LCA5L: variants seen among roughly 807,000 people sequenced by gnomAD.
The protein encoded by LCA5L is lebercilin-like protein.
LCA5L carries 35 observed loss-of-function variants against 45.4 expected under a neutral mutation model. The observed-to-expected ratio is 0.77, with a 90% CI of 0.59 to 1.02. The LOEUF is 1.02. LCA5L is among the 50% of genes least tolerant of loss of function. LCA5L has a pLI of 0.00. For missense variants in LCA5L, 668 were observed against 761.6 expected (o/e 0.88, Z 1.45); for synonymous variants, 233 against 264.7 (o/e 0.88, Z 1.16).
intron 7 of LCA5L, among the ~76,000 whole-genome samples, chr21:39,413,132 G>T (rs374452042): frequency 5.6e-4 from 86 of 152,324 alleles, no homozygotes; most frequent in African/African-American, 2.0e-3. Context: ...GTACACATCA[G>T]ACAGGGTCCT....
intron 3 of LCA5L, among the ~76,000 whole-genome samples, chr21:39,431,109 A>G (rs1045310159): frequency 3.3e-5 from 5 of 152,344 alleles, no homozygotes; most frequent in African/African-American, 1.2e-4. Context: ...AAACAATTCT[A>G]CCAGATTAAA....
chr21:39,429,255 T>C (rs1408173767), intron 3 of LCA5L, 44 bp from the exon 4 acceptor site: 2 of 152,214 alleles, frequency 1.3e-5, no homozygotes, highest in African/African-American at 4.8e-5. Context: ...TGGCATTAGA[T>C]CCTTTGCAAT....
At chr21:39,424,397 C>G (rs1356788077) in intron 5 of LCA5L, among the ~76,000 whole-genome samples, 1 of 152,120 alleles carries the variant, frequency 6.6e-6, no homozygotes, top group African/African-American at 2.4e-5. Flanking sequence ...GGGAGGATCC[C>G]TTGAGCCCAG....
intron 10 of LCA5L, chr21:39,408,048 T>A (rs2039410792): frequency 1.3e-5 from 2 of 152,254 alleles, no homozygotes; most frequent in South Asian, 4.1e-4. Flanking sequence ...GGAACACATC[T>A]GATTTGCAGC....
At chr21:39,436,598 C>T (rs2076310559) in intron 2 of LCA5L, among the ~76,000 whole-genome samples, 1 of 152,126 alleles carries the variant, frequency 6.6e-6, no homozygotes, top group Admixed American at 6.6e-5. Flanking sequence ...CCTCCTGCCT[C>T]AGCTTTTCAA....
intron 3 of LCA5L, among the ~76,000 whole-genome samples, chr21:39,434,013 CT>C (rs111651418): frequency 0.011 from 1,559 of 141,288 alleles, 28 homozygotes; most frequent in African/African-American, 0.04. Context: ...AAAAGAGTTA[CT>C]TGTACATAAA....
chr21:39,407,176 G>A (rs566411268), intron 10 of LCA5L, among the ~76,000 whole-genome samples: 127 of 152,336 alleles, frequency 8.3e-4, no homozygotes, highest in African/African-American at 2.7e-3. Flanking sequence ...GCAGTGAGCC[G>A]TGACTGTGCC....
At chr21:39,430,296 G>A (rs1244918947) in intron 3 of LCA5L, among the ~76,000 whole-genome samples, 7 of 152,114 alleles carry the variant, frequency 4.6e-5, no homozygotes, top group Admixed American at 2.0e-4. Flanking sequence ...GCTAGAGTTC[G>A]GCTGACTTCT....
Position 39,406,466 on chromosome 21 carries a change from G to C in LCA5L, c.1429C>G (p.His477Asp). 1 of 1,613,852 alleles carries C rather than the reference G, an allele frequency of 6.2e-7. No individual in the cohort carries two copies. Among genetic ancestry groups the C allele is most frequent in the Non-Finnish European group, 8.5e-7 (1 of 1,179,916 alleles). The change falls in exon 11 of 11, where the codon CAT becomes GAT. Residue 477 changes from histidine (H) to aspartate (D), a missense_variant. His to Asp is a moderately conservative substitution (Grantham distance 81). Coordinates refer to ENST00000288350, the MANE Select transcript of LCA5L (RefSeq NM_152505.4). Reference protein sequence around the residue: ...ELPPKIIEVIHPERESNQEDV... With the variant: ...ELPPKIIEVIDPERESNQEDV... ...TCTTGATTGCTTTCTCTTTCAGGAT[G>C]AATAACTTCAATTATTTTTGGTGGT...
At chr21:39,417,248 C>A (rs1402445551) in intron 7 of LCA5L, among the ~76,000 whole-genome samples, 1 of 152,144 alleles carries the variant, frequency 6.6e-6, no homozygotes, top group East Asian at 1.9e-4. Flanking sequence ...CCATGTTGGC[C>A]AGGCTGGTCT....
intron 6 of LCA5L, chr21:39,422,404 T>C (rs1219823494): frequency 6.6e-6 from 1 of 152,494 alleles, no homozygotes; most frequent in Non-Finnish European, 1.5e-5. Context: ...GGAAAATCAA[T>C]CCAGTCATCT....
At position 39,409,584 on chromosome 21, in the gene LCA5L, G is replaced by A. The variant is rs200479417; in HGVS notation, c.1282+395C>T. On this transcript the variant is annotated intron_variant, in intron 10 of 10. Coordinates refer to ENST00000288350, the MANE Select transcript of LCA5L (RefSeq NM_152505.4). This position sits in a 1 kb window ranked among gnomAD's most constrained non-coding sequence, Gnocchi z 4.2. ...TTCCTTTCATTATAATTCTGGAAAC[G>A]GTTTTATGTTTTTTTTTTAATTTTT... Among the ~76,000 whole-genome samples, 1 of 151,864 alleles carries A rather than the reference G, an allele frequency of 6.6e-6. No individual in the cohort carries two copies. Among genetic ancestry groups the A allele is most frequent in the Non-Finnish European group, 1.5e-5 (1 of 67,962 alleles).
Position 39,444,212 on chromosome 21 carries a change from A to G in LCA5L, c.-312-11T>C, listed in dbSNP as rs2077178199. The G allele has an allele frequency of 6.6e-6, 1 of 152,160 alleles. No homozygotes were observed. The highest frequency in any genetic ancestry group is 1.5e-5 in the Non-Finnish European group (1 of 68,054). The allele number at this position is 152,160 out of a possible 1,614,324, so 9.4% of individuals were successfully genotyped here. ...TCTTTTGGTGCTTCTCTAAAAAATA[A>G]AAAAGGAAGAGCTTAAACTCCTACA... On this transcript the variant is annotated splice_polypyrimidine_tract_variant and intron_variant, in intron 1 of 10. Transcript: ENST00000288350.
chr21:39,437,948 C>T (rs1477033659), intron 2 of LCA5L, among the ~76,000 whole-genome samples: 2 of 152,130 alleles, frequency 1.3e-5, no homozygotes, highest in African/African-American at 2.4e-5. Flanking sequence ...GCTGTAAATT[C>T]TCCCTAATTT....
intron 5 of LCA5L, 131 bp from the exon 6 acceptor site, chr21:39,423,621 T>A (rs1802452945): frequency 1.4e-6 from 1 of 698,842 alleles, no homozygotes; most frequent in Non-Finnish European, 2.2e-6. Flanking sequence ...TAAGTGTAAC[T>A]AGAAGGGGAC....
At chr21:39,430,247 A>G (rs1374596388) in intron 3 of LCA5L, among the ~76,000 whole-genome samples, 1 of 152,166 alleles carries the variant, frequency 6.6e-6, no homozygotes, top group Non-Finnish European at 1.5e-5. Flanking sequence ...CTAATCCGCA[A>G]GAAGAATTTG....
rs760288961 is a variant in LCA5L, at chr21:39,406,046, C to T, written c.1849G>A (p.Gly617Ser). 2 of 1,614,192 alleles carry T rather than the reference C, an allele frequency of 1.2e-6. No homozygotes were observed. The highest frequency in any genetic ancestry group is 1.7e-5 in the Admixed American group (1 of 60,028). Residue 617 changes from glycine to serine, a missense_variant, in exon 11 of 11, where the codon GGT (glycine) becomes AGT (serine). Physicochemically the swap from Gly to Ser is moderately conservative, Grantham distance 56. Coordinates refer to ENST00000288350, the MANE Select transcript of LCA5L (RefSeq NM_152505.4). ...YVLKTDQSSP[G>S]VAKGSEEPLQ... ...GGCTCCTCTGAGCCTTTTGCAACAC[C>T]AGGACTTGATTGGTCAGTTTTCAAG...
In LCA5L at chr21:39,405,740, CAAA is replaced by C; in HGVS notation, c.*139_*141del. Reference sequence around the variant, plus strand: ...ATTTTTTACTAGATTAGCAATCAAACAAAAATTTAATTATCGAAAGTCAATTAA... The same window carrying C: ...ATTTTTTACTAGATTAGCAATCAAACAATTTAATTATCGAAAGTCAATTAA... On this transcript the variant is annotated 3_prime_UTR_variant, in exon 11 of 11. Coordinates refer to ENST00000288350, the MANE Select transcript of LCA5L (RefSeq NM_152505.4). The C allele has an allele frequency of 1.8e-6, 1 of 566,666 alleles. No homozygotes were observed. Among genetic ancestry groups the C allele is most frequent in the East Asian group, 3.1e-5 (1 of 31,746 alleles). The allele number at this position is 566,666 out of a possible 1,614,324, so 35.1% of individuals were successfully genotyped here.
Position 39,406,496 on chromosome 21 carries a change from C to G in LCA5L, c.1399G>C (p.Glu467Gln), listed in dbSNP as rs1316895846. ...ACTTCAATTATTTTTGGTGGTAGTTCTTGCTCTTCTTTCACAAAAATGTTT... is the reference window on the plus strand; with the variant it reads ...ACTTCAATTATTTTTGGTGGTAGTTGTTGCTCTTCTTTCACAAAAATGTTT... ...KKNIFVKEEQELPPKIIEVIH... is the reference protein window; with the variant it reads ...KKNIFVKEEQQLPPKIIEVIH... The change falls in exon 11 of 11, where the codon GAA (glutamate) becomes CAA (glutamine). Residue 467 changes from glutamate (E) to glutamine (Q), a missense_variant. Coordinates refer to ENST00000288350, the MANE Select transcript of LCA5L (RefSeq NM_152505.4). The G allele has an allele frequency of 1.2e-6, 2 of 1,613,552 alleles. No individual in the cohort carries two copies. Among genetic ancestry groups the G allele is most frequent in the Non-Finnish European group, 1.7e-6 (2 of 1,179,896 alleles).
Sources: gnomAD v4.1 joint callset for allele counts (sites outside exome capture counted in the v4.1 genomes callset) on GRCh38, gnomAD v4.1.1 for gene constraint, Gnocchi (gnomAD v3.1) non-coding constraint, MANE v1.5 for transcripts, NCBI Gene and HGNC (gene_info 2026-07-23, HGNC 2026-07-21) for gene names.